Variants in DCLK1 observed in about 807,000 individuals in gnomAD.
The protein encoded by DCLK1 is serine/threonine-protein kinase DCLK1.
A neutral mutation model predicts 86.2 loss-of-function variants in DCLK1; 16 were observed. The ratio of observed to expected loss-of-function variants is 0.19; its 90% CI spans 0.13 to 0.28. The LOEUF (loss-of-function observed/expected upper bound fraction) is 0.28. Among genes scored for constraint, DCLK1 ranks in the 10% least tolerant of loss-of-function variants. The pLI is 1.00. For synonymous variants in DCLK1, 369 were observed against 370.5 expected (o/e 1.00, Z 0.05); for missense variants, 590 against 940.2 (o/e 0.63, Z 4.87).
intron 16 of DCLK1, among the ~76,000 whole-genome samples, chr13:35,782,797 G>A (rs970571627): frequency 1.1e-4 from 16 of 152,212 alleles, no homozygotes; most frequent in African/African-American, 3.6e-4. Flanking sequence ...TGTACAGATG[G>A]TGCCTTTTAA....
rs1028004680 is a variant in DCLK1, at chr13:35,771,108, C to T, written c.*3427G>A. The T allele has an allele frequency of 6.6e-6, 1 of 152,202 alleles. No homozygotes were observed. Among genetic ancestry groups the T allele is most frequent in the Non-Finnish European group, 1.5e-5 (1 of 68,050 alleles). 9.4% of individuals were successfully genotyped at this position (152,202 alleles called of 1,614,324 possible). A position where few individuals can be genotyped will look rare whatever the true frequency, so the allele number is the denominator to read the frequency against. ...GTGGACGCCCTTGGCCAGTAAACAA[C>T]CATGATTTAATGTGCTTGAGACTTG... On this transcript the variant is annotated 3_prime_UTR_variant, in exon 17 of 17. Coordinates refer to ENST00000360631, the MANE Select transcript of DCLK1 (RefSeq NM_001330071.2).
At chr13:35,855,421 G>A in intron 5 of DCLK1, 1 of 1,298,474 alleles carries the variant, frequency 7.7e-7, no homozygotes, top group Non-Finnish European at 1.1e-6. Flanking sequence ...CACAGTCAGT[G>A]AAGTAGAATT....
At chr13:36,054,983 G>C (rs1442809087) in intron 3 of DCLK1, among the ~76,000 whole-genome samples, 7 of 152,132 alleles carry the variant, frequency 4.6e-5, no homozygotes, top group Non-Finnish European at 8.8e-5. Flanking sequence ...TCTCTAAGGG[G>C]TAATGAGCAC....
intron 15 of DCLK1, among the ~76,000 whole-genome samples, chr13:35,796,129 G>A (rs2086806478): frequency 6.6e-6 from 1 of 152,128 alleles, no homozygotes; most frequent in Non-Finnish European, 1.5e-5. Flanking sequence ...GTCGGGTTCT[G>A]CCAGAATGAA....
intron 1 of DCLK1, 27 bp downstream of exon 1, chr13:36,131,087 C>G (rs1242670385): frequency 1.3e-5 from 2 of 150,524 alleles, no homozygotes; most frequent in Non-Finnish European, 3.0e-5. Context: ...CCGCAGCTCC[C>G]GTCCCCAGGG....
intron 16 of DCLK1, among the ~76,000 whole-genome samples, chr13:35,778,147 A>G (rs1429340829): frequency 6.6e-6 from 1 of 152,210 alleles, no homozygotes; most frequent in Non-Finnish European, 1.5e-5. Flanking sequence ...AAAGTACAAT[A>G]GAGGTGATCT....
chr13:35,849,111 T>C lies in DCLK1; in HGVS notation c.1035+5388A>G, dbSNP rs144266316. 4.1e-6 allele frequency: 4 copies of C among 985,370 alleles called. No individual in the cohort carries two copies. In the African/African-American group the frequency reaches 5.2e-5, roughly 13 times the overall value. The allele number at this position is 985,370 out of a possible 1,614,324, so 61.0% of individuals were successfully genotyped here. The stretch of plus-strand genomic sequence containing the variant: ...CAGCATAATGAGGCACTAATTATTA[T>C]AGGGCTAAGTTTTCAAATGCTGTTA... On this transcript the variant is annotated intron_variant, in intron 6 of 16. Coordinates refer to ENST00000360631, the MANE Select transcript of DCLK1 (RefSeq NM_001330071.2).
intron 3 of DCLK1, among the ~76,000 whole-genome samples, chr13:36,045,129 G>T (rs1026498509): frequency 6.7e-6 from 1 of 150,252 alleles, no homozygotes. Context: ...ATGCAATAAA[G>T]TTGAAAAAAT....
intron 15 of DCLK1, chr13:35,805,445 T>G: frequency 5.1e-6 from 2 of 391,816 alleles, no homozygotes. Flanking sequence ...CACAGGCTTG[T>G]GCCACTATGC....
At chr13:36,030,848 C>T (rs1277511699) in intron 3 of DCLK1, among the ~76,000 whole-genome samples, 1 of 152,106 alleles carries the variant, frequency 6.6e-6, no homozygotes, top group East Asian at 1.9e-4. Context: ...AGCTCCCATC[C>T]CATTCACTCA....
intron 3 of DCLK1, among the ~76,000 whole-genome samples, chr13:35,964,699 G>T (rs1214480894): frequency 1.3e-5 from 2 of 151,558 alleles, no homozygotes; most frequent in Non-Finnish European, 2.9e-5. Context: ...ACTTCCACGG[G>T]TTCCGTAAAT....
chr13:36,103,584 C>T (rs577620208), intron 3 of DCLK1, among the ~76,000 whole-genome samples: 5 of 152,106 alleles, frequency 3.3e-5, no homozygotes, highest in Admixed American at 6.5e-5. Context: ...AAATAAATCT[C>T]CCATCTGTCC....
At chr13:35,985,997 A>G (rs1879885050) in intron 3 of DCLK1, among the ~76,000 whole-genome samples, 2 of 152,134 alleles carry the variant, frequency 1.3e-5, no homozygotes, top group South Asian at 2.1e-4. Context: ...CGTGAGGTGC[A>G]GTCCTCACTT....
At chr13:35,774,808 C>G in intron 16 of DCLK1, 109 bp from the exon 17 acceptor site, 11 of 1,246,502 alleles carry the variant, frequency 8.8e-6, no homozygotes, top group Non-Finnish European at 1.2e-5. Context: ...GCCAAGTTCA[C>G]CTGTCCATCA....
chr13:36,007,212 G>A (rs1209047404), intron 3 of DCLK1, among the ~76,000 whole-genome samples: 2 of 152,070 alleles, frequency 1.3e-5, no homozygotes, highest in African/African-American at 4.8e-5. Context: ...ACAGACCTTC[G>A]GGAACAGCCT....
intron 3 of DCLK1, among the ~76,000 whole-genome samples, chr13:36,049,882 T>C (rs577286928): frequency 6.6e-6 from 1 of 152,292 alleles, no homozygotes; most frequent in Admixed American, 6.5e-5. Flanking sequence ...CAAATATGAC[T>C]GAAAACCAGC....
At chr13:35,841,001 CT>C (rs1416087711) in intron 6 of DCLK1, among the ~76,000 whole-genome samples, 4 of 152,150 alleles carry the variant, frequency 2.6e-5, no homozygotes, top group African/African-American at 7.2e-5. Flanking sequence ...ATTGTTTTTG[CT>C]GCAGACATAA....
intron 3 of DCLK1, among the ~76,000 whole-genome samples, chr13:36,107,734 G>A (rs1218376523): frequency 6.6e-6 from 1 of 152,088 alleles, no homozygotes; most frequent in Non-Finnish European, 1.5e-5. Flanking sequence ...CACAGATTTA[G>A]CAGCTCAAGA....
intron 4 of DCLK1, among the ~76,000 whole-genome samples, chr13:35,871,706 G>T (rs915611398): frequency 7.9e-5 from 12 of 152,200 alleles, no homozygotes; most frequent in African/African-American, 2.4e-4. Flanking sequence ...TTGCTTCCAA[G>T]GAAAATGTTA....
Sources: allele counts gnomAD v4.1 joint callset (sites outside exome capture counted in the v4.1 genomes callset), GRCh38; gene constraint gnomAD v4.1.1; transcripts MANE v1.5; gene names NCBI Gene and HGNC (gene_info 2026-07-23, HGNC 2026-07-21).